The following P4HA2 variants were observed in gnomAD, a reference collection of about 807,000 sequenced individuals.
P4HA2 encodes prolyl 4-hydroxylase subunit alpha 2, also known as prolyl 4-hydroxylase subunit alpha-2.
A neutral mutation model predicts 76.9 loss-of-function variants in P4HA2; 46 were observed. That is an observed-to-expected ratio of 0.60 (90% CI 0.47 to 0.76). The LOEUF is 0.76. P4HA2 is among the 30% of genes least tolerant of loss of function. The pLI is 0.00. For missense variants in P4HA2, 583 were observed against 669.4 expected, an observed-to-expected ratio of 0.87 and a Z score of 1.42; for synonymous variants, 243 against 254.0, an observed-to-expected ratio of 0.96 and a Z score of 0.41.
intron 12 of P4HA2, 107 bp downstream of exon 12, chr5:132,198,214 A>G: frequency 6.2e-7 from 1 of 1,614,214 alleles, no homozygotes; most frequent in Non-Finnish European, 8.5e-7. Flanking sequence ...ACGTAGTTTA[A>G]GAAAGTAGCC....
intron 12 of P4HA2, chr5:132,197,953 T>G: frequency 8.3e-6 from 8 of 966,962 alleles, no homozygotes; most frequent in Non-Finnish European, 7.4e-6. Flanking sequence ...ATGTTATGTC[T>G]GTTTTATCAC....
Position 132,217,191 on chromosome 5 carries a change from C to T in P4HA2, c.331+6G>A, listed in dbSNP as rs1724295488. 3.6e-5 allele frequency: 58 copies of T among 1,613,478 alleles called. No homozygotes were observed. The highest frequency in any genetic ancestry group is 4.9e-5 in the Non-Finnish European group (58 of 1,179,632). On this transcript the variant is annotated splice_donor_region_variant and intron_variant, in intron 4 of 14. Transcript: ENST00000360568. ...CTCACTCAAGCACCTGCTCACCGTC[C>T]CTCACCTGCAGCTGAGTCCTGCAGG...
intron 11 of P4HA2, among the ~76,000 whole-genome samples, 180 bp downstream of exon 11, chr5:132,198,699 A>C (rs1751048852): frequency 6.6e-6 from 1 of 152,038 alleles, no homozygotes. Context: ...ATTCTGCAGG[A>C]CCCTTGGTTC....
At chr5:132,194,865 G>A in intron 14 of P4HA2, 61 bp downstream of exon 14, 1 of 1,148,570 alleles carries the variant, frequency 8.7e-7, no homozygotes, top group Non-Finnish European at 1.3e-6. Context: ...AGAATCTAAG[G>A]CCAATAAGCA....
intron 1 of P4HA2, among the ~76,000 whole-genome samples, chr5:132,225,446 CCTT>C (rs1315194343): frequency 6.6e-6 from 1 of 152,122 alleles, no homozygotes; most frequent in Non-Finnish European, 1.5e-5. Flanking sequence ...AAAAGGGAGG[CCTT>C]CTTAGGAAAT....
In P4HA2 at chr5:132,207,555, G is replaced by A. The variant is rs538732586; in HGVS notation, c.1080+153C>T. Among the ~76,000 whole-genome samples the A allele has an allele frequency of 2.0e-5, 3 of 152,282 alleles. No homozygotes were observed. The South Asian group carries it at 6.2e-4, about 32-fold the overall frequency. On this transcript the variant is annotated intron_variant, in intron 8 of 14. Transcript: ENST00000360568. ...GACCATGAACTCACAAGGTCAGGCT[G>A]AGTCTGAAGCATCTCTGTATCCCCA... is the stretch of plus-strand genomic sequence containing the variant.
chr5:132,208,888 T>C lies in P4HA2; in HGVS notation c.903+250A>G, dbSNP rs115234785. On this transcript the variant is annotated intron_variant, in intron 7 of 14. Coordinates refer to ENST00000360568, the MANE Select transcript of P4HA2 (RefSeq NM_001017974.2). ...TGAGTGAAGCAAAAAGTGGGACATA[T>C]TGGGGTAAGGAGGCGAGCTCACTGG... Among the ~76,000 whole-genome samples, 587 of 152,002 alleles carry C rather than the reference T, an allele frequency of 3.9e-3. 1 individual carries two copies. Among genetic ancestry groups the C allele is most frequent in the South Asian group, 0.013 (62 of 4,790 alleles).
At chr5:132,195,251 C>T in intron 13 of P4HA2, 161 bp downstream of exon 13, 1 of 669,120 alleles carries the variant, frequency 1.5e-6, no homozygotes, top group South Asian at 1.8e-5. Context: ...CCTCCCTGTC[C>T]TTTCTTCACA....
At chr5:132,221,131 T>A (rs1242991981) in intron 1 of P4HA2, among the ~76,000 whole-genome samples, 1 of 152,212 alleles carries the variant, frequency 6.6e-6, no homozygotes, top group East Asian at 1.9e-4. Context: ...CCAACCCATC[T>A]CATAACTATG....
At chr5:132,203,893 C>A (rs768174799) in intron 9 of P4HA2, 46 bp from the exon 10 acceptor site, 2 of 1,431,738 alleles carry the variant, frequency 1.4e-6, no homozygotes, top group South Asian at 2.3e-5. Context: ...GAAGGGCAGG[C>A]TTCCATGAGG....
chr5:132,194,779 G>C, intron 14 of P4HA2, 147 bp downstream of exon 14: 1 of 680,378 alleles, frequency 1.5e-6, no homozygotes, highest in East Asian at 2.6e-5. Context: ...TACATGGCTG[G>C]ATGGTAATAA....
chr5:132,205,252 GT>G (rs1268115333), intron 8 of P4HA2, among the ~76,000 whole-genome samples: 1 of 152,154 alleles, frequency 6.6e-6, no homozygotes, highest in Non-Finnish European at 1.5e-5. Context: ...GGCCTGAAGG[GT>G]TAACATGAGT....
rs200650454 is a variant in P4HA2, at chr5:132,227,839, C to G, written c.-68G>C. 68 of 152,404 alleles carry G rather than the reference C, an allele frequency of 4.5e-4. No individual in the cohort carries two copies. Among genetic ancestry groups the G allele is most frequent in the African/African-American group, 1.5e-3 (62 of 41,576 alleles). The allele number at this position is 152,404 out of a possible 1,614,324, so 9.4% of individuals were successfully genotyped here. A position where few individuals can be genotyped will look rare whatever the true frequency, so the allele number is the denominator to read the frequency against. On this transcript the variant is annotated 5_prime_UTR_variant, in exon 1 of 15. Transcript: ENST00000360568. ...TTCCAGAACCTCCCGCGGCGTCGCCCGGTCAGCTCGGCGCCTCCTCCCTTG... is the reference window on the plus strand; with the variant it reads ...TTCCAGAACCTCCCGCGGCGTCGCCGGGTCAGCTCGGCGCCTCCTCCCTTG...
chr5:132,191,271 G>T lies in P4HA2; in HGVS notation c.*1739C>A, dbSNP rs1749886491. ...CTCACGCCTGTAATCCCAGCACTTT[G>T]GGAGGCCGAGGCGGGCGGATCACGA... is the stretch of plus-strand genomic sequence containing the variant. On this transcript the variant is annotated 3_prime_UTR_variant, in exon 15 of 15. Transcript: ENST00000360568. 6.6e-6 allele frequency among the ~76,000 whole-genome samples: 1 copy of T among 152,160 alleles called. No individual in the cohort carries two copies. Among genetic ancestry groups the T allele is most frequent in the African/African-American group, 2.4e-5 (1 of 41,442 alleles).
chr5:132,194,818 A>G lies in P4HA2; in HGVS notation c.1531+108T>C, dbSNP rs1022083158. The G allele has an allele frequency of 3.9e-6, 3 of 762,712 alleles. No individual in the cohort carries two copies. The African/African-American group carries it at 5.1e-5, about 13-fold the overall frequency. 47.2% of individuals were successfully genotyped at this position (762,712 alleles called of 1,614,324 possible). On this transcript the variant is annotated intron_variant, in intron 14 of 14. Transcript: ENST00000360568. The stretch of plus-strand genomic sequence containing the variant: ...CAGAAAAAAACCTAAGAAGGGAGAC[A>G]GTCTCAGCAAATTTGGCAGCAGTTG...
rs1462041078 is a variant in P4HA2, at chr5:132,192,250, T to C, written c.*760A>G. ...GAAAACGTTCTCTTTTCTAACTTGGTGTTGACACAGGTGCTCCTGCTCACC... is the reference window on the plus strand; with the variant it reads ...GAAAACGTTCTCTTTTCTAACTTGGCGTTGACACAGGTGCTCCTGCTCACC... On this transcript the variant is annotated 3_prime_UTR_variant, in exon 15 of 15. Coordinates refer to ENST00000360568, the MANE Select transcript of P4HA2 (RefSeq NM_001017974.2). The C allele has an allele frequency of 6.6e-6, 1 of 152,214 alleles. No homozygotes were observed. Among genetic ancestry groups the C allele is most frequent in the Non-Finnish European group, 1.5e-5 (1 of 68,046 alleles). 9.4% of individuals were successfully genotyped at this position (152,214 alleles called of 1,614,324 possible).
chr5:132,224,727 C>A (rs1755121937), intron 1 of P4HA2, among the ~76,000 whole-genome samples: 1 of 152,032 alleles, frequency 6.6e-6, no homozygotes, highest in African/African-American at 2.4e-5. Flanking sequence ...GGGGATTGGA[C>A]CAATACTCTA....
chr5:132,219,687 G>T (rs1754390880), intron 1 of P4HA2, among the ~76,000 whole-genome samples: 2 of 152,090 alleles, frequency 1.3e-5, no homozygotes, highest in Admixed American at 1.3e-4. Flanking sequence ...GACAAAGCAA[G>T]CAAAACAAAG....
chr5:132,225,286 C>T (rs1412038512), intron 1 of P4HA2, among the ~76,000 whole-genome samples: 1 of 152,194 alleles, frequency 6.6e-6, no homozygotes, highest in Non-Finnish European at 1.5e-5. Context: ...TGCCAACTTC[C>T]ATCTGCATAA....
Sources: allele counts gnomAD v4.1 joint callset (sites outside exome capture counted in the v4.1 genomes callset), GRCh38; gene constraint gnomAD v4.1.1; transcripts MANE v1.5; gene names NCBI Gene and HGNC (gene_info 2026-07-23, HGNC 2026-07-21).